Variants in SLC44A5 observed in about 807,000 individuals in gnomAD.
SLC44A5 encodes the protein choline transporter-like protein 5.
SLC44A5 carries 57 observed loss-of-function variants against 101.8 expected under a neutral mutation model. The ratio of observed to expected loss-of-function variants is 0.56; its 90% confidence interval spans 0.45 to 0.70. The LOEUF (loss-of-function observed/expected upper bound fraction) is 0.70, where lower values mean the gene tolerates loss of function less well. SLC44A5 is among the 30% of genes least tolerant of loss of function. The pLI is 0.00. For synonymous variants in SLC44A5, 281 were observed against 290.9 expected (o/e 0.97, Z 0.35); for missense variants, 737 against 853.1 (o/e 0.86, Z 1.70).
chr1:75,300,515 G>A, intron 5 of SLC44A5, 97 bp downstream of exon 5: 1 of 718,396 alleles, frequency 1.4e-6, no homozygotes, highest in Non-Finnish European at 2.2e-6. Flanking sequence ...ATAATAGGAA[G>A]GCTTTTGGAA....
chr1:75,453,174 C>A (rs60764104), intron 2 of SLC44A5, among the ~76,000 whole-genome samples: 35,554 of 151,830 alleles, frequency 0.23, 4,276 homozygotes, highest in African/African-American at 0.27. Flanking sequence ...AAAAACTGAA[C>A]TCATACTTTA....
chr1:75,307,699 C>G (rs907775204), intron 4 of SLC44A5, among the ~76,000 whole-genome samples: 2 of 152,172 alleles, frequency 1.3e-5, no homozygotes, highest in Non-Finnish European at 2.9e-5. Context: ...GTATCCACCC[C>G]CTTGGTTCCA....
chr1:75,687,439 G>A, the SLC44A5 span, among the ~76,000 whole-genome samples: 3 of 152,044 alleles, frequency 2.0e-5, no homozygotes, highest in Non-Finnish European at 2.9e-5. Flanking sequence ...AAGTAGCTGG[G>A]ATTACAGGCG....
intron 9 of SLC44A5, among the ~76,000 whole-genome samples, chr1:75,241,761 A>AATC (rs922823041): frequency 6.6e-5 from 10 of 152,036 alleles, no homozygotes; most frequent in Non-Finnish European, 1.3e-4. Flanking sequence ...TTCAACATTC[A>AATC]ATCTTTTTCT....
chr1:75,622,923 A>G, the SLC44A5 span, among the ~76,000 whole-genome samples: 44,619 of 152,028 alleles, frequency 0.29, 7,517 homozygotes, highest in East Asian at 0.82. Context: ...CATAAAAAAC[A>G]AATGGCATAC....
At position 75,433,061 on chromosome 1, in the gene SLC44A5, T is replaced by C. The variant is rs190897975; in HGVS notation, c.14-36440A>G. Among the ~76,000 whole-genome samples, 193 of 152,228 alleles carry C rather than the reference T, an allele frequency of 1.3e-3. 1 individual carries two copies. Among genetic ancestry groups the C allele is most frequent in the African/African-American group, 4.5e-3 (189 of 41,550 alleles). ...TCAGTCTCTCCCTCTGCACTGCCTC[T>C]TTTTCTTCTGCTATAGTTTTATCTT... is the stretch of plus-strand genomic sequence containing the variant. On this transcript the variant is annotated intron_variant, in intron 2 of 23. Transcript: ENST00000370859.
chr1:75,213,005 G>A (rs780074574), intron 22 of SLC44A5, among the ~76,000 whole-genome samples: 1 of 152,180 alleles, frequency 6.6e-6, no homozygotes, highest in Non-Finnish European at 1.5e-5. Context: ...GCAGGGGTCA[G>A]TTCATGACCA....
chr1:75,694,032 A>G, the SLC44A5 span, among the ~76,000 whole-genome samples: 2 of 151,522 alleles, frequency 1.3e-5, no homozygotes, highest in Admixed American at 1.3e-4. Flanking sequence ...GATGATAGTT[A>G]GGAGAGGAAA....
chr1:75,502,975 T>C (rs1669049208), intron 2 of SLC44A5, among the ~76,000 whole-genome samples: 1 of 152,264 alleles, frequency 6.6e-6, no homozygotes, highest in East Asian at 1.9e-4. Context: ...TGACTCACAT[T>C]TTCCTTGCTT....
intron 2 of SLC44A5, among the ~76,000 whole-genome samples, chr1:75,516,681 G>A (rs1669858695): frequency 6.6e-6 from 1 of 152,298 alleles, no homozygotes; most frequent in South Asian, 2.1e-4. Flanking sequence ...TAGGCACCGT[G>A]CATGCTGATT....
chr1:75,602,176 C>T (rs1013843188), intron 1 of SLC44A5, among the ~76,000 whole-genome samples: 1 of 152,072 alleles, frequency 6.6e-6, no homozygotes, highest in African/African-American at 2.4e-5. Flanking sequence ...CTCTTGACCT[C>T]GGTCAACTTA....
At chr1:75,523,764 A>C (rs1029436262) in intron 2 of SLC44A5, among the ~76,000 whole-genome samples, 1 of 152,212 alleles carries the variant, frequency 6.6e-6, no homozygotes, top group Non-Finnish European at 1.5e-5. Context: ...ACATTTGACA[A>C]TATCTGGAGT....
At chr1:75,691,726 T>G in the SLC44A5 span, among the ~76,000 whole-genome samples, 1 of 152,200 alleles carries the variant, frequency 6.6e-6, no homozygotes. Context: ...GCAAACCAAT[T>G]CAGTGCCTGA....
chr1:75,682,826 A>G, the SLC44A5 span, among the ~76,000 whole-genome samples: 5 of 152,034 alleles, frequency 3.3e-5, no homozygotes, highest in Admixed American at 2.6e-4. Context: ...GCAACCTACA[A>G]AATGGGAGAA....
At chr1:75,427,258 T>C (rs1473863601) in intron 2 of SLC44A5, among the ~76,000 whole-genome samples, 1 of 152,210 alleles carries the variant, frequency 6.6e-6, no homozygotes. Flanking sequence ...CTACCTTCAT[T>C]AATTTTTGGG....
At chr1:75,321,884 A>T (rs1656178382) in intron 4 of SLC44A5, among the ~76,000 whole-genome samples, 1 of 152,194 alleles carries the variant, frequency 6.6e-6, no homozygotes, top group East Asian at 1.9e-4. Flanking sequence ...GTCAGTTTCA[A>T]TTCTAAATTG....
the SLC44A5 span, among the ~76,000 whole-genome samples, chr1:75,657,496 T>C: frequency 6.7e-6 from 1 of 150,218 alleles, no homozygotes; most frequent in African/African-American, 2.5e-5. Context: ...TGCAGTGAGC[T>C]GGGCTCACAC....
chr1:75,695,133 T>C, the SLC44A5 span, among the ~76,000 whole-genome samples: 1 of 152,196 alleles, frequency 6.6e-6, no homozygotes, highest in South Asian at 2.1e-4. Flanking sequence ...TGTCACCAAA[T>C]TTAATTTCAT....
the SLC44A5 span, among the ~76,000 whole-genome samples, chr1:75,700,175 A>C: frequency 0.26 from 39,512 of 151,728 alleles, 6,435 homozygotes; most frequent in East Asian, 0.68. Context: ...ATCTACAGAA[A>C]TCTCCACCCC....
Sources: allele counts gnomAD v4.1 joint callset (sites outside exome capture counted in the v4.1 genomes callset), GRCh38; gene constraint gnomAD v4.1.1; transcripts MANE v1.5; gene names NCBI Gene and HGNC (gene_info 2026-07-23, HGNC 2026-07-21).